Variants in RTKN2 observed in about 807,000 individuals in gnomAD.
RTKN2 encodes the protein rhotekin 2, also known as rhotekin-2.
In RTKN2, 69 loss-of-function variants were observed where a neutral mutation model predicts 71.5. That is an observed-to-expected ratio of 0.96 (90% CI 0.79 to 1.18). The LOEUF (loss-of-function observed/expected upper bound fraction) is 1.18. Ranked by LOEUF, RTKN2 falls within the 50% of genes most tolerant of loss-of-function variation. The probability of loss-of-function intolerance (pLI) is 0.00; values close to 1 mark genes in which losing one functional copy is unlikely to be tolerated. For missense variants in RTKN2, 724 were observed against 719.7 expected (o/e 1.01, Z -0.07); for synonymous variants, 236 against 236.5 (o/e 1.00, Z 0.02).
Position 62,195,027 on chromosome 10 carries a change from A to G in RTKN2, c.*2881T>C, listed in dbSNP as rs1461884203. 2.0e-6 allele frequency: 2 copies of G among 985,016 alleles called. No homozygotes were observed. The highest frequency in any genetic ancestry group is 6.2e-5 in the Admixed American group (1 of 16,252). 61.0% of individuals were successfully genotyped at this position (985,016 alleles called of 1,614,324 possible). On this transcript the variant is annotated 3_prime_UTR_variant, in exon 12 of 12. Coordinates refer to ENST00000373789, the MANE Select transcript of RTKN2 (RefSeq NM_145307.4). ...TTAGGAGGTGTGCATTTAGAATTTT[A>G]AAAATGCCTTCTTTGCCCTTGCAAG...
intron 8 of RTKN2, among the ~76,000 whole-genome samples, chr10:62,187,642 T>TAA (rs1340844444): frequency 1.3e-5 from 2 of 152,212 alleles, no homozygotes; most frequent in Non-Finnish European, 2.9e-5. Flanking sequence ...TTTTCCTTTT[T>TAA]AGAAATTTTT....
intron 11 of RTKN2, 52 bp downstream of exon 11, chr10:62,199,702 G>T: frequency 9.2e-7 from 1 of 1,087,604 alleles, no homozygotes; most frequent in Non-Finnish European, 1.4e-6. Context: ...CTTCAGTATG[G>T]ACAATGTTGT....
intron 3 of RTKN2, among the ~76,000 whole-genome samples, chr10:62,245,637 A>C (rs1379878178): frequency 6.6e-6 from 1 of 152,120 alleles, no homozygotes; most frequent in African/African-American, 2.4e-5. Flanking sequence ...CCTAGACAAA[A>C]CATTAAAAAC....
chr10:62,241,901 G>A (rs978918874), intron 3 of RTKN2, among the ~76,000 whole-genome samples: 2 of 151,978 alleles, frequency 1.3e-5, no homozygotes, highest in East Asian at 1.9e-4. Context: ...GGGTTTTACC[G>A]TGTTAGCCAG....
chr10:62,228,916 T>C (rs1448341948), intron 6 of RTKN2, among the ~76,000 whole-genome samples: 1 of 152,170 alleles, frequency 6.6e-6, no homozygotes, highest in African/African-American at 2.4e-5. Context: ...AGAGAGGATA[T>C]TGGCAGTTAG....
rs763820223 is a variant in RTKN2, at chr10:62,194,887, C to T, written c.*3021G>A. On this transcript the variant is annotated 3_prime_UTR_variant, in exon 12 of 12. Coordinates refer to ENST00000373789, the MANE Select transcript of RTKN2 (RefSeq NM_145307.4). The stretch of plus-strand genomic sequence containing the variant: ...TTTATAATAAATGGATTTAGTTTTC[C>T]ACATATATTCACATCCATTTAAAAG... The T allele has an allele frequency of 1.5e-5, 15 of 984,602 alleles. No homozygotes were observed. The highest frequency in any genetic ancestry group is 1.8e-5 in the Non-Finnish European group (15 of 829,422). The allele number at this position is 984,602 out of a possible 1,614,324, so 61.0% of individuals were successfully genotyped here.
intron 2 of RTKN2, among the ~76,000 whole-genome samples, chr10:62,246,641 C>T (rs1280839533): frequency 1.3e-5 from 2 of 151,992 alleles, no homozygotes; most frequent in Non-Finnish European, 2.9e-5. Context: ...AACAGAGTAG[C>T]TCTGTAGACA....
chr10:62,263,306 T>C (rs1360812186), intron 1 of RTKN2, among the ~76,000 whole-genome samples: 1 of 152,144 alleles, frequency 6.6e-6, no homozygotes, highest in Non-Finnish European at 1.5e-5. Context: ...AATATGTCTA[T>C]AAGCCAAAAA....
At chr10:62,205,714 T>G (rs1286738153) in intron 9 of RTKN2, among the ~76,000 whole-genome samples, 1 of 152,204 alleles carries the variant, frequency 6.6e-6, no homozygotes, top group Admixed American at 6.5e-5. Context: ...ACCTTTTTTC[T>G]GAGTGATACT....
In RTKN2 at chr10:62,195,608, AAGGAAGGAAGGAAGGAAGGAAGG is replaced by A. The variant is rs1841310636; in HGVS notation, c.*2277_*2299del. 1 of 15,320 alleles carries A rather than the reference AAGGAAGGAAGGAAGGAAGGAAGG, an allele frequency of 6.5e-5. No individual in the cohort carries two copies. Among genetic ancestry groups the A allele is most frequent in the Non-Finnish European group, 1.2e-4 (1 of 8,444 alleles). The allele number at this position is 15,320 out of a possible 1,614,324, so 0.9% of individuals were successfully genotyped here. On this transcript the variant is annotated 3_prime_UTR_variant, in exon 12 of 12. Coordinates refer to ENST00000373789, the MANE Select transcript of RTKN2 (RefSeq NM_145307.4). ...GAAGGAGAGACGGACAGAGGGAATG[AAGGAAGGAAGGAAGGAAGGAAGG>A]AAGGAAGGAAGGAAGGAAGGAAGGA...
At chr10:62,187,301 T>C (rs1053929899) in intron 8 of RTKN2, among the ~76,000 whole-genome samples, 22 of 148,338 alleles carry the variant, frequency 1.5e-4, no homozygotes, top group African/African-American at 4.7e-4. Flanking sequence ...AGAAAAAACA[T>C]AGGGAAAAAG....
At chr10:62,231,596 A>T (rs1265078325) in intron 6 of RTKN2, among the ~76,000 whole-genome samples, 1 of 152,100 alleles carries the variant, frequency 6.6e-6, no homozygotes. Context: ...GCCAACCCTA[A>T]TTTTGAGTTC....
chr10:62,243,816 A>G lies in RTKN2; in HGVS notation c.316+2183T>C, dbSNP rs564939273. Among the ~76,000 whole-genome samples, 4 of 152,310 alleles carry G rather than the reference A, an allele frequency of 2.6e-5. No homozygotes were observed. In the East Asian group the frequency reaches 5.8e-4, roughly 22 times the overall value. On this transcript the variant is annotated intron_variant, in intron 3 of 11. Transcript: ENST00000373789. Reference sequence around the variant, plus strand: ...TTAATGGTAAACTGGGAGAGTCATAATAAGACAGCTGACTTGATGCTATCA... The same window carrying G: ...TTAATGGTAAACTGGGAGAGTCATAGTAAGACAGCTGACTTGATGCTATCA...
intron 1 of RTKN2, among the ~76,000 whole-genome samples, chr10:62,266,106 G>A (rs977625269): frequency 1.3e-5 from 2 of 152,200 alleles, no homozygotes; most frequent in African/African-American, 4.8e-5. Flanking sequence ...AAGTCAAACA[G>A]AAGCCTGTGT....
chr10:62,261,935 A>G (rs1842781720), intron 2 of RTKN2, among the ~76,000 whole-genome samples: 1 of 152,234 alleles, frequency 6.6e-6, no homozygotes, highest in Non-Finnish European at 1.5e-5. Context: ...ACCAAAATCC[A>G]GCCTCTAAAT....
At chr10:62,250,987 C>T (rs957943190) in intron 2 of RTKN2, among the ~76,000 whole-genome samples, 4 of 152,176 alleles carry the variant, frequency 2.6e-5, no homozygotes, top group Non-Finnish European at 5.9e-5. Context: ...TGAAACCTCA[C>T]ACTGCCCTGT....
chr10:62,222,024 A>T (rs1398787478), intron 7 of RTKN2, among the ~76,000 whole-genome samples: 1 of 152,210 alleles, frequency 6.6e-6, no homozygotes, highest in East Asian at 1.9e-4. Flanking sequence ...TATTAAGAAT[A>T]ATTAAATCAG....
At chr10:62,254,609 C>T (rs1415937526) in intron 2 of RTKN2, among the ~76,000 whole-genome samples, 1 of 151,986 alleles carries the variant, frequency 6.6e-6, no homozygotes, top group Non-Finnish European at 1.5e-5. Flanking sequence ...ACACAAAGAA[C>T]TGCAAAGAAC....
At chr10:62,189,021 T>C (rs1841179244), downstream of RTKN2, among the ~76,000 whole-genome samples, 1 of 151,350 alleles carries the variant, frequency 6.6e-6, no homozygotes, top group African/African-American at 2.4e-5. Flanking sequence ...GTGCTGGGAT[T>C]ACAGGCGTGA....
Sources: gnomAD v4.1 joint callset for allele counts (sites outside exome capture counted in the v4.1 genomes callset) on GRCh38, gnomAD v4.1.1 for gene constraint, MANE v1.5 for transcripts, NCBI Gene and HGNC (gene_info 2026-07-23, HGNC 2026-07-21) for gene names.